Variants in PARPBP observed in about 807,000 individuals in gnomAD.
The protein encoded by PARPBP is PARP1 binding protein, also known as PCNA-interacting partner.
A neutral mutation model predicts 50.0 loss-of-function variants in PARPBP; 52 were observed. The observed-to-expected ratio is 1.04, with a 90% CI of 0.83 to 1.31. PARPBP has a LOEUF of 1.31. Ranked by LOEUF, PARPBP falls within the 50% of genes most tolerant of loss-of-function variation. The pLI, the probability that PARPBP is intolerant of heterozygous loss-of-function variation, is 0.00. For missense variants in PARPBP, 697 were observed against 672.0 expected, an observed-to-expected ratio of 1.04 and a Z score of -0.41; for synonymous variants, 244 against 232.1, an observed-to-expected ratio of 1.05 and a Z score of -0.47.
At chr12:102,151,823 C>T (rs1051199837) in intron 3 of PARPBP, 37 of 1,508,154 alleles carry the variant, frequency 2.5e-5, no homozygotes, top group Admixed American at 5.9e-5. Context: ...GAAAGCCACC[C>T]GCTTCAGAAC....
rs375425230 is a variant in PARPBP, at chr12:102,148,436, T to C, written c.360T>C (p.Asn120=). ...VYQKCRALTS[N]CENYNTVSPS... ...AAAAATGTAGGGCTTTGACTTCTAA[T>C]TGTGAAAATTATAACACAGTATCTC... Residue 120 remains asparagine (N), a synonymous_variant, in exon 3 of 11, where the codon AAT becomes AAC. Transcript: ENST00000327680. 2 of 1,462,084 alleles carry C rather than the reference T, an allele frequency of 1.4e-6. No individual in the cohort carries two copies. The highest frequency in any genetic ancestry group is 9.5e-7 in the Non-Finnish European group (1 of 1,047,152). 90.6% of individuals were successfully genotyped at this position (1,462,084 alleles called of 1,614,324 possible).
intron 2 of PARPBP, among the ~76,000 whole-genome samples, chr12:102,134,250 AAAAG>A (rs1233280316): frequency 6.6e-6 from 1 of 151,570 alleles, no homozygotes; most frequent in Non-Finnish European, 1.5e-5. Flanking sequence ...AAAAAAAAAA[AAAAG>A]AAATGAAAAA....
intron 2 of PARPBP, among the ~76,000 whole-genome samples, chr12:102,147,076 T>C (rs1467888604): frequency 6.6e-6 from 1 of 152,160 alleles, no homozygotes; most frequent in Non-Finnish European, 1.5e-5. Flanking sequence ...CAACACGTGC[T>C]GGAGAGGATG....
intron 3 of PARPBP, chr12:102,151,582 C>T (rs947923137): frequency 9.1e-6 from 14 of 1,535,384 alleles, no homozygotes; most frequent in Non-Finnish European, 1.1e-5. Context: ...GTCAACTATA[C>T]AGCCACCTTC....
chr12:102,133,159 C>T (rs1037112509), intron 2 of PARPBP, among the ~76,000 whole-genome samples: 1 of 152,102 alleles, frequency 6.6e-6, no homozygotes, highest in Admixed American at 6.6e-5. Flanking sequence ...CCTAACCACT[C>T]TGGCTACACC....
chr12:102,196,951 G>T lies in PARPBP; in HGVS notation c.*660G>T. 1 of 1,578,140 alleles carries T rather than the reference G, an allele frequency of 6.3e-7. No individual in the cohort carries two copies. The highest frequency in any genetic ancestry group is 8.7e-7 in the Non-Finnish European group (1 of 1,149,320). ...TTAATGGTGGTAGGATGTAAGAATT[G>T]AATTTTGAAAAGACTACTCACTGTC... is the stretch of plus-strand genomic sequence containing the variant. On this transcript the variant is annotated 3_prime_UTR_variant, in exon 11 of 11. Transcript: ENST00000327680.
intron 3 of PARPBP, chr12:102,151,866 C>A: frequency 1.7e-6 from 2 of 1,197,798 alleles, no homozygotes; most frequent in African/African-American, 1.5e-5. Flanking sequence ...AACTCACTGT[C>A]CAAGCTGAGA....
At chr12:102,154,882 T>A in intron 4 of PARPBP, 1 of 451,240 alleles carries the variant, frequency 2.2e-6, no homozygotes, top group South Asian at 1.6e-5. Context: ...ATAGGAAGCA[T>A]TTGCCATCTA....
intron 9 of PARPBP, among the ~76,000 whole-genome samples, chr12:102,184,046 G>GAAAAAAAAAAAAAAAAAAA (rs71438459): frequency 5.0e-5 from 3 of 59,976 alleles, no homozygotes; most frequent in African/African-American, 7.2e-5. Context: ...GACTCTATCT[G>GAAAAAAAAAAAAAAAAAAA]AAAAAAAAAA....
intron 6 of PARPBP, among the ~76,000 whole-genome samples, chr12:102,171,566 T>C (rs181425217): frequency 6.6e-6 from 1 of 152,288 alleles, no homozygotes; most frequent in East Asian, 1.9e-4. Flanking sequence ...AAAGTTTTTC[T>C]TGTTTAAAAA....
intron 6 of PARPBP, 62 bp from the exon 7 acceptor site, chr12:102,175,421 A>T: frequency 9.7e-7 from 1 of 1,030,112 alleles, no homozygotes; most frequent in Non-Finnish European, 1.4e-6. Flanking sequence ...TATATTTTCA[A>T]GTCTATAAGC....
chr12:102,146,459 A>G (rs1885369582), intron 2 of PARPBP, among the ~76,000 whole-genome samples: 1 of 152,220 alleles, frequency 6.6e-6, no homozygotes, highest in Non-Finnish European at 1.5e-5. Context: ...AAAAACAAGC[A>G]ATAGGGAAAG....
At chr12:102,186,450 G>A (rs1255941432) in intron 9 of PARPBP, among the ~76,000 whole-genome samples, 1 of 151,806 alleles carries the variant, frequency 6.6e-6, no homozygotes, top group African/African-American at 2.4e-5. Flanking sequence ...GGATGTAGGT[G>A]CTCATTGCTA....
intron 9 of PARPBP, among the ~76,000 whole-genome samples, chr12:102,191,433 A>C (rs1858171): frequency 6.6e-6 from 1 of 152,180 alleles, no homozygotes; most frequent in African/African-American, 2.4e-5. Flanking sequence ...ATGTAAAAAT[A>C]AGGTAAACTT....
Position 102,195,386 on chromosome 12 carries a change from G to T in PARPBP, c.1338G>T (p.Trp446Cys). The T allele has an allele frequency of 6.3e-7, 1 of 1,589,524 alleles. No individual in the cohort carries two copies. Among genetic ancestry groups the T allele is most frequent in the Admixed American group, 1.7e-5 (1 of 58,184 alleles). ...KDDYMISKDNWNNVNLASKPL... is the reference protein window; with the variant it reads ...KDDYMISKDNCNNVNLASKPL... ...ACTACATGATAAGCAAGGATAATTG[G>T]AATAATGTTAATTTAGCATCAAAGC... The change falls in exon 10 of 11, where the codon TGG becomes TGT. Residue 446 changes from tryptophan (W) to cysteine (C), a missense_variant. By Grantham distance (215) the Trp-to-Cys change is radical (BLOSUM62 -2). Transcript: ENST00000327680.
chr12:102,164,503 C>G lies in PARPBP; in HGVS notation c.561C>G (p.Asp187Glu), dbSNP rs773575610. The G allele has an allele frequency of 1.3e-5, 21 of 1,612,454 alleles. No homozygotes were observed. Among genetic ancestry groups the G allele is most frequent in the Non-Finnish European group, 1.8e-5 (21 of 1,178,636 alleles). The change falls in exon 5 of 11, where the codon GAC (aspartate) becomes GAG (glutamate). Residue 187 changes from aspartate to glutamate, a missense_variant. Asp to Glu is a conservative substitution (Grantham distance 45). Transcript: ENST00000327680. ...ATCTGCTAGTGAATTCAAAGAATGA[C>G]CTGGCTGTGGCTTATATTCTCAATA... ...YLNLLVNSKN[D>E]LAVAYILNIP...
intron 2 of PARPBP, among the ~76,000 whole-genome samples, chr12:102,128,129 C>A (rs1882290627): frequency 6.6e-6 from 1 of 152,166 alleles, no homozygotes; most frequent in Non-Finnish European, 1.5e-5. Flanking sequence ...ATTATTCCTC[C>A]TAACAGAAAC....
intron 6 of PARPBP, among the ~76,000 whole-genome samples, chr12:102,169,877 C>T (rs1030023174): frequency 2.0e-5 from 3 of 152,176 alleles, no homozygotes; most frequent in Non-Finnish European, 4.4e-5. Context: ...CCTCTTTATC[C>T]TCCTCGTCTC....
chr12:102,121,459 C>T (rs1881062858), intron 1 of PARPBP, among the ~76,000 whole-genome samples: 1 of 151,662 alleles, frequency 6.6e-6, no homozygotes, highest in Non-Finnish European at 1.5e-5. Flanking sequence ...GTTGTGCATG[C>T]CTCAAATATT....
Sources: allele counts gnomAD v4.1 joint callset (sites outside exome capture counted in the v4.1 genomes callset), GRCh38; gene constraint gnomAD v4.1.1; transcripts MANE v1.5; gene names NCBI Gene and HGNC (gene_info 2026-07-23, HGNC 2026-07-21).